The following DNAJC1 variants were observed in gnomAD, a reference collection of about 807,000 sequenced individuals.
DNAJC1 encodes the protein DnaJ heat shock protein family (Hsp40) member C1.
Under a neutral mutation model 76.6 loss-of-function variants are expected in DNAJC1, and 58 were observed. That is an observed-to-expected ratio of 0.76 (90% confidence interval 0.61 to 0.94). DNAJC1 has a LOEUF of 0.94. Ranked by LOEUF, DNAJC1 falls within the 40% of genes least tolerant of loss-of-function variation. DNAJC1 has a pLI of 0.00. For synonymous variants in DNAJC1, 258 were observed against 267.9 expected (o/e 0.96, Z 0.36); for missense variants, 689 against 677.3 (o/e 1.02, Z -0.19).
intron 1 of DNAJC1, among the ~76,000 whole-genome samples, chr10:21,940,524 G>C (rs1718577184): frequency 6.6e-6 from 1 of 152,114 alleles, no homozygotes; most frequent in South Asian, 2.1e-4. Flanking sequence ...ATGATTTCTT[G>C]ACAAATAAGA....
chr10:21,957,579 T>C (rs1394201580), intron 1 of DNAJC1, among the ~76,000 whole-genome samples: 1 of 152,234 alleles, frequency 6.6e-6, no homozygotes, highest in Non-Finnish European at 1.5e-5. Flanking sequence ...CTGTACTATA[T>C]CAAATTGGCA....
intron 7 of DNAJC1, among the ~76,000 whole-genome samples, chr10:21,885,926 T>A (rs1346885160): frequency 6.6e-6 from 1 of 151,502 alleles, no homozygotes; most frequent in Non-Finnish European, 1.5e-5. Flanking sequence ...ACGGAAAGAA[T>A]TAGAGAAGCA....
chr10:21,805,651 C>T (rs1371020004), intron 9 of DNAJC1, among the ~76,000 whole-genome samples: 10 of 152,014 alleles, frequency 6.6e-5, no homozygotes, highest in Admixed American at 3.9e-4. Context: ...GAAATACAAC[C>T]CTCCTAATTC....
In DNAJC1 at chr10:21,875,861, G is replaced by T. The variant is rs184031623; in HGVS notation, c.978+6421C>A. 3.3e-5 allele frequency among the ~76,000 whole-genome samples: 5 copies of T among 152,200 alleles called. No individual in the cohort carries two copies. The East Asian group carries it at 7.7e-4, about 24-fold the overall frequency. The stretch of plus-strand genomic sequence containing the variant: ...AATCACTTGAACCTGGGAGGCGGAG[G>T]TTGCAGCGAGGTGAGATCATGCTGT... On this transcript the variant is annotated intron_variant, in intron 8 of 11. Coordinates refer to ENST00000376980, the MANE Select transcript of DNAJC1 (RefSeq NM_022365.4).
chr10:21,972,565 C>T (rs1016717268), intron 1 of DNAJC1, among the ~76,000 whole-genome samples: 1 of 151,846 alleles, frequency 6.6e-6, no homozygotes, highest in African/African-American at 2.4e-5. Context: ...AAAATTTGGC[C>T]TTGAAGATAA....
chr10:21,835,105 G>C (rs181360321), intron 8 of DNAJC1, among the ~76,000 whole-genome samples: 14 of 152,236 alleles, frequency 9.2e-5, no homozygotes, highest in Non-Finnish European at 1.9e-4. Context: ...ACCTCACACA[G>C]CCGGGTACTC....
chr10:21,773,373 T>G (rs962037700), intron 9 of DNAJC1, among the ~76,000 whole-genome samples: 15 of 152,228 alleles, frequency 9.9e-5, no homozygotes, highest in African/African-American at 2.9e-4. Context: ...CCCTCATTAT[T>G]TCTTCCATGA....
At chr10:21,945,402 A>G (rs77050767) in intron 1 of DNAJC1, among the ~76,000 whole-genome samples, 2,065 of 152,316 alleles carry the variant, frequency 0.014, 42 homozygotes, top group African/African-American at 0.046. Context: ...TTAAAGAAAC[A>G]TATCTACATA....
chr10:21,826,098 C>T lies in DNAJC1; in HGVS notation c.979-19999G>A, dbSNP rs6482193. ...CTAAAAAGTACAAAAATTAGCCAGG[C>T]GTGGTGGCAGGAACCTGTAGTCCCA... On this transcript the variant is annotated intron_variant, in intron 8 of 11. Transcript: ENST00000376980. Among the ~76,000 whole-genome samples, 1,282 of 151,988 alleles carry T rather than the reference C, an allele frequency of 8.4e-3. 18 individuals are homozygous for T. Among genetic ancestry groups the T allele is most frequent in the African/African-American group, 0.029 (1,197 of 41,416 alleles).
chr10:21,872,581 G>T (rs771816714), intron 8 of DNAJC1, among the ~76,000 whole-genome samples: 3 of 152,140 alleles, frequency 2.0e-5, no homozygotes, highest in African/African-American at 4.8e-5. Context: ...GGAAATGAAA[G>T]AATCAGCAAA....
At chr10:21,998,901 G>C (rs148230327) in intron 1 of DNAJC1, among the ~76,000 whole-genome samples, 1 of 152,218 alleles carries the variant, frequency 6.6e-6, no homozygotes, top group Non-Finnish European at 1.5e-5. Context: ...TGTTTACTAT[G>C]TGCCTTACTA....
At chr10:21,797,949 A>G (rs1418814835) in intron 9 of DNAJC1, among the ~76,000 whole-genome samples, 2 of 152,234 alleles carry the variant, frequency 1.3e-5, no homozygotes, top group East Asian at 1.9e-4. Flanking sequence ...TGTCATGAAA[A>G]AAATTCAAAG....
At chr10:21,803,626 T>C (rs1456654240) in intron 9 of DNAJC1, among the ~76,000 whole-genome samples, 3 of 147,180 alleles carry the variant, frequency 2.0e-5, no homozygotes, top group African/African-American at 5.0e-5. Flanking sequence ...TGTGTGTGTA[T>C]GTATGTGTGT....
intron 9 of DNAJC1, chr10:21,803,764 A>T (rs960688495): frequency 1.1e-6 from 1 of 876,030 alleles, no homozygotes; most frequent in Non-Finnish European, 1.4e-6. Flanking sequence ...ATAGAAGAAA[A>T]GTTATAATGG....
chr10:21,897,690 C>T (rs955736482), intron 7 of DNAJC1, among the ~76,000 whole-genome samples: 7 of 152,156 alleles, frequency 4.6e-5, no homozygotes, highest in Admixed American at 6.6e-5. Flanking sequence ...CTGTCTTCCA[C>T]GAAATCGTTC....
rs370564113 is a variant in DNAJC1, at chr10:21,867,249, T to C, written c.978+15033A>G. ...TGAAAAGACCAGTAACTTAATGGCC[T>C]GAAAAGGAGACAGCGAGCGAATATA... On this transcript the variant is annotated intron_variant, in intron 8 of 11. Transcript: ENST00000376980. 2.6e-5 allele frequency among the ~76,000 whole-genome samples: 4 copies of C among 152,158 alleles called. No homozygotes were observed. In the East Asian group the frequency reaches 7.7e-4, roughly 29 times the overall value.
chr10:21,968,844 C>T (rs1391126151), intron 1 of DNAJC1, among the ~76,000 whole-genome samples: 2 of 152,138 alleles, frequency 1.3e-5, no homozygotes, highest in African/African-American at 2.4e-5. Flanking sequence ...ATTACAAACG[C>T]TGCTGCAGCA....
intron 8 of DNAJC1, among the ~76,000 whole-genome samples, chr10:21,838,377 T>G (rs1201689456): frequency 6.6e-6 from 1 of 152,080 alleles, no homozygotes. Context: ...GTTAAATGGA[T>G]TAAGGGCGGT....
intron 6 of DNAJC1, among the ~76,000 whole-genome samples, chr10:21,910,126 T>C (rs1450583026): frequency 6.6e-6 from 1 of 151,990 alleles, no homozygotes; most frequent in Non-Finnish European, 1.5e-5. Context: ...TTTTTTTTTT[T>C]TCTTTTTCAG....
Sources: allele counts gnomAD v4.1 joint callset (sites outside exome capture counted in the v4.1 genomes callset), GRCh38; gene constraint gnomAD v4.1.1; transcripts MANE v1.5; gene names NCBI Gene and HGNC (gene_info 2026-07-23, HGNC 2026-07-21).